EPB41L4A: variants seen among roughly 807,000 people sequenced by gnomAD.
EPB41L4A encodes the protein band 4.1-like protein 4A.
A neutral mutation model predicts 108.6 loss-of-function variants in EPB41L4A; 100 were observed. The ratio of observed to expected loss-of-function variants is 0.92; its 90% CI spans 0.78 to 1.09. The LOEUF is 1.09. EPB41L4A is among the 50% of genes least tolerant of loss of function. EPB41L4A has a pLI of 0.00. For synonymous variants in EPB41L4A, 319 were observed against 289.0 expected (o/e 1.10, Z -1.05); for missense variants, 1,030 against 842.7 (o/e 1.22, Z -2.75).
At chr5:112,262,222 T>C (rs1004601786) in intron 7 of EPB41L4A, among the ~76,000 whole-genome samples, 1 of 152,174 alleles carries the variant, frequency 6.6e-6, no homozygotes, top group Non-Finnish European at 1.5e-5. Flanking sequence ...ATTGTTTTGA[T>C]GTTTAGCTAA....
In EPB41L4A at chr5:112,165,092, C is replaced by T; in HGVS notation, c.1959G>A (p.Leu653=). ...HQRRNGSKDS[L]MEEKPQTSTN... ...TAGATGTCTGAGGTTTTTCTTCCAT[C>T]AGGCTATCTTTAGACCCATTTCTTC... The change falls in exon 23 of 23, where the codon CTG becomes CTA. Residue 653 remains leucine, a synonymous_variant. Transcript: ENST00000261486. 1 of 1,593,686 alleles carries T rather than the reference C, an allele frequency of 6.3e-7. No individual in the cohort carries two copies. Among genetic ancestry groups the T allele is most frequent in the Non-Finnish European group, 8.5e-7 (1 of 1,173,632 alleles).
intron 18 of EPB41L4A, among the ~76,000 whole-genome samples, chr5:112,179,208 A>C (rs989815999): frequency 6.6e-6 from 1 of 152,138 alleles, no homozygotes; most frequent in African/African-American, 2.4e-5. Context: ...TTTGTAATTT[A>C]AAACCTTCCA....
At chr5:112,272,836 T>C (rs1304803565) in intron 4 of EPB41L4A, among the ~76,000 whole-genome samples, 1 of 148,196 alleles carries the variant, frequency 6.7e-6, no homozygotes, top group Non-Finnish European at 1.5e-5. Flanking sequence ...ATACAATATG[T>C]ATGAAATAGT....
chr5:112,327,036 TTG>T (rs1252471825), intron 1 of EPB41L4A, among the ~76,000 whole-genome samples: 1 of 152,146 alleles, frequency 6.6e-6, no homozygotes, highest in Non-Finnish European at 1.5e-5. Context: ...AACCTTACAA[TTG>T]TGTCCCCACA....
At chr5:112,158,678 TCC>T (rs1189495311), downstream of EPB41L4A, among the ~76,000 whole-genome samples, 7 of 152,226 alleles carry the variant, frequency 4.6e-5, no homozygotes, top group East Asian at 1.3e-3. Context: ...AGCAAACACA[TCC>T]TTTTGCACAT....
At chr5:112,331,060 T>TAA (rs773063441) in intron 1 of EPB41L4A, among the ~76,000 whole-genome samples, 39 of 152,304 alleles carry the variant, frequency 2.6e-4, no homozygotes, top group Non-Finnish European at 4.3e-4. Context: ...CCCAAAATGG[T>TAA]AAGGAAGCCA....
chr5:112,199,829 C>T (rs1444455482), intron 15 of EPB41L4A, among the ~76,000 whole-genome samples: 9 of 152,146 alleles, frequency 5.9e-5, no homozygotes, highest in African/African-American at 1.7e-4. Context: ...GCTACTGAAA[C>T]CATCTACTTC....
chr5:112,300,203 T>TA (rs1209857150), intron 2 of EPB41L4A, among the ~76,000 whole-genome samples: 1 of 150,346 alleles, frequency 6.7e-6, no homozygotes, highest in Non-Finnish European at 1.5e-5. Flanking sequence ...GTTGCCTGTA[T>TA]ACCTTGTTTT....
chr5:112,355,423 C>A (rs1415536657), intron 1 of EPB41L4A, among the ~76,000 whole-genome samples: 1 of 152,324 alleles, frequency 6.6e-6, no homozygotes, highest in South Asian at 2.1e-4. Flanking sequence ...ACACCTATAA[C>A]CTCCTTTCCA....
chr5:112,392,829 C>T (rs917281378), intron 1 of EPB41L4A: 7 of 152,204 alleles, frequency 4.6e-5, no homozygotes, highest in Non-Finnish European at 8.8e-5. Context: ...AAATTGACGA[C>T]ATAATTGGAA....
chr5:112,382,231 T>G (rs922785216), intron 1 of EPB41L4A, among the ~76,000 whole-genome samples: 5 of 152,160 alleles, frequency 3.3e-5, no homozygotes, highest in African/African-American at 7.2e-5. Context: ...AGAGCAATAT[T>G]TCAATTAGTC....
At chr5:112,368,658 C>G (rs1759294681) in intron 1 of EPB41L4A, among the ~76,000 whole-genome samples, 1 of 152,102 alleles carries the variant, frequency 6.6e-6, no homozygotes, top group South Asian at 2.1e-4. Flanking sequence ...TTGGAGCTGC[C>G]ACATCCACTA....
At chr5:112,309,283 G>C (rs561170720) in intron 1 of EPB41L4A, among the ~76,000 whole-genome samples, 4 of 152,094 alleles carry the variant, frequency 2.6e-5, no homozygotes, top group Non-Finnish European at 5.9e-5. Context: ...CCAAGATTTT[G>C]ATGTATGTAG....
intron 1 of EPB41L4A, among the ~76,000 whole-genome samples, chr5:112,416,773 A>C (rs939902776): frequency 4.6e-5 from 7 of 152,238 alleles, no homozygotes; most frequent in African/African-American, 1.7e-4. Flanking sequence ...GTTTTTTAAA[A>C]TGTCAAGTAT....
chr5:112,334,591 A>G (rs1756797760), intron 1 of EPB41L4A, among the ~76,000 whole-genome samples: 1 of 152,148 alleles, frequency 6.6e-6, no homozygotes, highest in Non-Finnish European at 1.5e-5. Context: ...AGTCAGAAAA[A>G]TCTTTAAATT....
At chr5:112,342,041 A>T (rs1666064895) in intron 1 of EPB41L4A, among the ~76,000 whole-genome samples, 2 of 152,234 alleles carry the variant, frequency 1.3e-5, no homozygotes, top group African/African-American at 4.8e-5. Flanking sequence ...AGAATTCACG[A>T]AACATTATGC....
intron 11 of EPB41L4A, among the ~76,000 whole-genome samples, chr5:112,236,355 T>C (rs1580496161): frequency 6.6e-6 from 1 of 152,180 alleles, no homozygotes; most frequent in African/African-American, 2.4e-5. Flanking sequence ...GAACAGCACA[T>C]GTAGCTGTTG....
At chr5:112,272,138 A>AT (rs61119854) in intron 4 of EPB41L4A, among the ~76,000 whole-genome samples, 5,594 of 136,418 alleles carry the variant, frequency 0.041, 359 homozygotes, top group African/African-American at 0.12. Context: ...CATTATTTGT[A>AT]TTTTTTTTTT....
At chr5:112,266,185 T>C in intron 5 of EPB41L4A, 48 bp downstream of exon 5, 1 of 1,350,720 alleles carries the variant, frequency 7.4e-7, no homozygotes, top group Non-Finnish European at 1.0e-6. Flanking sequence ...AAAATGCAAA[T>C]ACTTTCTCCA....
Sources: gnomAD v4.1 joint callset for allele counts (sites outside exome capture counted in the v4.1 genomes callset) on GRCh38, gnomAD v4.1.1 for gene constraint, MANE v1.5 for transcripts, NCBI Gene and HGNC (gene_info 2026-07-23, HGNC 2026-07-21) for gene names.